Variants in FREM1 observed in about 807,000 individuals in gnomAD.
FREM1 encodes the protein FRAS1-related extracellular matrix protein 1.
FREM1 carries 220 observed loss-of-function variants against 210.1 expected under a neutral mutation model. The observed-to-expected ratio is 1.05, with a 90% CI of 0.94 to 1.17. FREM1 has a LOEUF of 1.17. FREM1 is among the 50% of genes most tolerant of loss of function. FREM1 has a pLI of 0.00. For synonymous variants in FREM1, 1,189 were observed against 980.2 expected (o/e 1.21, Z -3.98); for missense variants, 3,454 against 2,675.5 (o/e 1.29, Z -6.42).
intron 1 of FREM1, among the ~76,000 whole-genome samples, chr9:14,876,975 G>A (rs1242431444): frequency 6.6e-6 from 1 of 152,170 alleles, no homozygotes; most frequent in Non-Finnish European, 1.5e-5. Context: ...GGGAATCTTT[G>A]CTTTCTGAGA....
intron 29 of FREM1, among the ~76,000 whole-genome samples, chr9:14,755,949 T>C (rs1306946191): frequency 6.6e-6 from 1 of 152,178 alleles, no homozygotes; most frequent in Non-Finnish European, 1.5e-5. Context: ...TCTCCTAATA[T>C]CAACCTATTC....
At chr9:14,835,537 T>A (rs996500114) in intron 10 of FREM1, among the ~76,000 whole-genome samples, 11 of 152,226 alleles carry the variant, frequency 7.2e-5, no homozygotes, top group African/African-American at 2.7e-4. Flanking sequence ...GTCTATACAG[T>A]TCCTAACCTG....
At chr9:14,876,058 G>A (rs62537687) in intron 1 of FREM1, among the ~76,000 whole-genome samples, 20,620 of 151,800 alleles carry the variant, frequency 0.14, 1,825 homozygotes, top group Middle Eastern at 0.24. Context: ...AGGAGTACCC[G>A]GCCGTGTGAG....
At chr9:14,773,461 C>T (rs1412546529) in intron 25 of FREM1, among the ~76,000 whole-genome samples, 1 of 152,196 alleles carries the variant, frequency 6.6e-6, no homozygotes, top group Non-Finnish European at 1.5e-5. Flanking sequence ...GAAGGCAAGA[C>T]ACTGAGTGTC....
chr9:14,861,328 TAC>T (rs1554708828), intron 3 of FREM1, among the ~76,000 whole-genome samples: 6 of 87,244 alleles, frequency 6.9e-5, no homozygotes, highest in Admixed American at 2.7e-4. Context: ...TACACATATA[TAC>T]ATATATACAC....
At chr9:14,820,573 C>T (rs756851716) in intron 13 of FREM1, among the ~76,000 whole-genome samples, 91 of 152,342 alleles carry the variant, frequency 6.0e-4, no homozygotes, top group Non-Finnish European at 1.1e-3. Context: ...CTGTGTCCTT[C>T]TGGACACCAC....
chr9:14,798,482 G>A (rs1588049530), intron 20 of FREM1, among the ~76,000 whole-genome samples: 1 of 151,808 alleles, frequency 6.6e-6, no homozygotes, highest in East Asian at 1.9e-4. Context: ...GCCAGGTGAC[G>A]CCTGTAGTCA....
intron 3 of FREM1, among the ~76,000 whole-genome samples, chr9:14,861,887 T>C (rs1830667165): frequency 1.3e-5 from 2 of 152,192 alleles, no homozygotes; most frequent in African/African-American, 2.4e-5. Flanking sequence ...TTACTGACGG[T>C]AGTCACCCTG....
chr9:14,865,698 T>TGTGTGTGC (rs759644257), intron 2 of FREM1, among the ~76,000 whole-genome samples: 12 of 150,636 alleles, frequency 8.0e-5, no homozygotes, highest in African/African-American at 2.7e-4. Context: ...TGTGTGTGTG[T>TGTGTGTGC]GCACATGCAC....
chr9:14,814,938 G>GT (rs947357082), intron 15 of FREM1, among the ~76,000 whole-genome samples: 8 of 152,118 alleles, frequency 5.3e-5, no homozygotes, highest in African/African-American at 1.9e-4. Context: ...TAGGGTTGGG[G>GT]TTTTTTCCCC....
intron 25 of FREM1, among the ~76,000 whole-genome samples, chr9:14,772,052 A>G (rs934511297): frequency 5.3e-5 from 8 of 152,026 alleles, no homozygotes; most frequent in African/African-American, 9.7e-5. Flanking sequence ...TGTTTATTTC[A>G]TGAGAAATTT....
intron 10 of FREM1, among the ~76,000 whole-genome samples, chr9:14,831,738 G>T (rs1052349396): frequency 2.0e-5 from 3 of 152,156 alleles, no homozygotes; most frequent in Admixed American, 1.3e-4. Context: ...CTATTTTTTG[G>T]AAGGCACACA....
At chr9:14,873,091 T>C (rs1255812031) in intron 1 of FREM1, among the ~76,000 whole-genome samples, 1 of 152,204 alleles carries the variant, frequency 6.6e-6, no homozygotes, top group Non-Finnish European at 1.5e-5. Flanking sequence ...TTGAGGATTT[T>C]TGTATCAATG....
At chr9:14,856,766 G>A (rs1039534226) in intron 5 of FREM1, among the ~76,000 whole-genome samples, 2 of 150,016 alleles carry the variant, frequency 1.3e-5, no homozygotes, top group African/African-American at 4.9e-5. Flanking sequence ...TTGGGAGGCA[G>A]AGCTTGCAGT....
chr9:14,909,160 C>T (rs1349864308), intron 1 of FREM1, among the ~76,000 whole-genome samples: 5 of 152,020 alleles, frequency 3.3e-5, no homozygotes, highest in African/African-American at 1.2e-4. Context: ...CTTTGTAATG[C>T]ACACCAAGCA....
At chr9:14,850,672 T>A (rs1471989115) in intron 6 of FREM1, 3 of 152,318 alleles carry the variant, frequency 2.0e-5, no homozygotes, top group African/African-American at 7.2e-5. Flanking sequence ...TGGACATGTT[T>A]ACCTATGTAA....
Position 14,801,663 on chromosome 9 carries a change from A to C in FREM1, c.3683T>G (p.Leu1228Arg). Residue 1228 changes from leucine to arginine, a missense_variant, in exon 20 of 37, where the codon CTC becomes CGC. Transcript: ENST00000380880. The part of the protein sequence containing the change: ...HAPVHSFSME[L>R]LKTGMRLTYM... ...GGAACATGCTATACCAGTCTTGAGG[A>C]GTTCCATGGAAAAGCTGTGAACAGG... is the stretch of plus-strand genomic sequence containing the variant. 3 of 1,607,376 alleles carry C rather than the reference A, an allele frequency of 1.9e-6. No homozygotes were observed. Among genetic ancestry groups the C allele is most frequent in the Non-Finnish European group, 2.6e-6 (3 of 1,173,810 alleles).
chr9:14,855,812 T>A (rs566481827), intron 5 of FREM1, among the ~76,000 whole-genome samples: 1 of 151,690 alleles, frequency 6.6e-6, no homozygotes, highest in African/African-American at 2.4e-5. Flanking sequence ...TATAAACAAA[T>A]AAAGGCGTAT....
intron 27 of FREM1, among the ~76,000 whole-genome samples, chr9:14,761,872 C>T (rs934359207): frequency 6.6e-6 from 1 of 152,106 alleles, no homozygotes; most frequent in African/African-American, 2.4e-5. Context: ...TAATCATGGC[C>T]CCAAAGTGCA....
Sources: gnomAD v4.1 joint callset for allele counts (sites outside exome capture counted in the v4.1 genomes callset) on GRCh38, gnomAD v4.1.1 for gene constraint, MANE v1.5 for transcripts, NCBI Gene and HGNC (gene_info 2026-07-23, HGNC 2026-07-21) for gene names.